SPIDR: variants seen among roughly 807,000 people sequenced by gnomAD.
SPIDR encodes DNA repair-scaffolding protein.
SPIDR carries 93 observed loss-of-function variants against 104.6 expected under a neutral mutation model. The observed-to-expected ratio is 0.89, with a 90% CI of 0.75 to 1.06. SPIDR has a LOEUF of 1.06. Ranked by LOEUF, SPIDR falls within the 50% of genes least tolerant of loss-of-function variation. SPIDR has a pLI of 0.00. For missense variants in SPIDR, 1,154 were observed against 1,111.2 expected (o/e 1.04, Z -0.55); for synonymous variants, 431 against 416.9 (o/e 1.03, Z -0.41).
chr8:47,597,636 CT>C (rs965313134), intron 9 of SPIDR, among the ~76,000 whole-genome samples: 1 of 152,184 alleles, frequency 6.6e-6, no homozygotes, highest in Non-Finnish European at 1.5e-5. Context: ...TAAAGCCCTC[CT>C]TTATTTATTT....
chr8:47,340,533 C>T (rs2050551544), intron 5 of SPIDR, among the ~76,000 whole-genome samples: 2 of 152,052 alleles, frequency 1.3e-5, no homozygotes, highest in African/African-American at 2.4e-5. Context: ...ACCCAGGAGG[C>T]GAAGGTTGCA....
intron 7 of SPIDR, among the ~76,000 whole-genome samples, chr8:47,419,477 A>T (rs1208402010): frequency 2.3e-4 from 35 of 151,992 alleles, no homozygotes; most frequent in South Asian, 1.7e-3. Flanking sequence ...CCCTTTATCA[A>T]TTTTTATTGC....
At chr8:47,505,806 G>C (rs577933165) in intron 8 of SPIDR, among the ~76,000 whole-genome samples, 13 of 152,248 alleles carry the variant, frequency 8.5e-5, no homozygotes, top group African/African-American at 2.9e-4. Context: ...AGTGCCACCC[G>C]GGCTTCCCTA....
chr8:47,340,118 A>T (rs2050462265), intron 5 of SPIDR, among the ~76,000 whole-genome samples: 3 of 151,808 alleles, frequency 2.0e-5, no homozygotes, highest in Admixed American at 1.3e-4. Context: ...GGCTGTTATG[A>T]TTTTATATTA....
At chr8:47,593,029 G>A (rs1295503695) in intron 8 of SPIDR, among the ~76,000 whole-genome samples, 1 of 152,062 alleles carries the variant, frequency 6.6e-6, no homozygotes, top group Non-Finnish European at 1.5e-5. Flanking sequence ...TGGGATTACA[G>A]CCATGCCCCA....
chr8:47,424,277 A>G (rs1222523727), intron 7 of SPIDR, among the ~76,000 whole-genome samples: 1 of 152,156 alleles, frequency 6.6e-6, no homozygotes, highest in Non-Finnish European at 1.5e-5. Context: ...GTTTGATATC[A>G]TAGTTTTTAA....
chr8:47,544,441 C>T lies in SPIDR; in HGVS notation c.1098-51370C>T, dbSNP rs553292698. Among the ~76,000 whole-genome samples, 19 of 152,240 alleles carry T rather than the reference C, an allele frequency of 1.2e-4. No homozygotes were observed. In the South Asian group the frequency reaches 1.5e-3, roughly 12 times the overall value. ...TGATGTCACGTCTAAGAACTCTTCA[C>T]GTAGCTGTAAATCCAAAAGATTTTC... On this transcript the variant is annotated intron_variant, in intron 8 of 19. Transcript: ENST00000297423.
chr8:47,525,776 A>C (rs1236110705), intron 8 of SPIDR, among the ~76,000 whole-genome samples: 36 of 150,186 alleles, frequency 2.4e-4, no homozygotes, highest in African/African-American at 8.5e-4. Context: ...CCTGCCTCAA[A>C]AAAAAAAAAA....
At chr8:47,627,458 G>A (rs1295317169) in intron 10 of SPIDR, among the ~76,000 whole-genome samples, 1 of 151,966 alleles carries the variant, frequency 6.6e-6, no homozygotes. Flanking sequence ...CAAAAAAAAT[G>A]TTTCCCTTTA....
intron 7 of SPIDR, among the ~76,000 whole-genome samples, chr8:47,420,153 C>G (rs1454237017): frequency 6.6e-6 from 1 of 152,108 alleles, no homozygotes; most frequent in Non-Finnish European, 1.5e-5. Flanking sequence ...GAGCTGAGTT[C>G]AATTCCTGGG....
intron 5 of SPIDR, among the ~76,000 whole-genome samples, chr8:47,362,947 CCAGCCAGTGTTCTTTTTT>C (rs2056372660): frequency 6.6e-6 from 1 of 152,144 alleles, no homozygotes. Flanking sequence ...GCTACCACGC[CCAGCCAGTGTTCTTTTTT>C]CTGGCCAACA....
Position 47,452,956 on chromosome 8 carries a change from G to GC in SPIDR, c.1097+12414_1097+12415insC, listed in dbSNP as rs1554707139. On this transcript the variant is annotated intron_variant, in intron 8 of 19. Transcript: ENST00000297423. Reference sequence around the variant, plus strand: ...TGTAGATGACATGAATATATAGTTAGAGGGCCCCATCATCGCAGCCCAAGA... The same window carrying GC: ...TGTAGATGACATGAATATATAGTTAGCAGGGCCCCATCATCGCAGCCCAAGA... Among the ~76,000 whole-genome samples the GC allele has an allele frequency of 2.8e-3, 427 of 152,252 alleles. 2 individuals carry two copies. Among genetic ancestry groups the GC allele is most frequent in the East Asian group, 0.017 (90 of 5,170 alleles).
chr8:47,488,979 A>G (rs1458765090), intron 8 of SPIDR, among the ~76,000 whole-genome samples: 1 of 152,182 alleles, frequency 6.6e-6, no homozygotes, highest in Non-Finnish European at 1.5e-5. Context: ...CCTATTCAAC[A>G]TAGTGTTGGA....
intron 3 of SPIDR, among the ~76,000 whole-genome samples, chr8:47,287,702 A>G (rs2039128433): frequency 1.3e-5 from 2 of 152,334 alleles, no homozygotes; most frequent in East Asian, 3.9e-4. Context: ...AAAGGCCATC[A>G]GACCTTATGG....
intron 5 of SPIDR, among the ~76,000 whole-genome samples, chr8:47,313,083 A>G (rs1188002062): frequency 6.6e-6 from 1 of 152,194 alleles, no homozygotes; most frequent in Non-Finnish European, 1.5e-5. Context: ...GGAGAAGGAA[A>G]TAAAGGGTAT....
chr8:47,731,466 G>A (rs547063941), intron 19 of SPIDR, among the ~76,000 whole-genome samples: 34 of 152,294 alleles, frequency 2.2e-4, no homozygotes, highest in Non-Finnish European at 4.4e-4. Flanking sequence ...TGAGCCTCCC[G>A]CATTCTCACA....
At chr8:47,385,430 TA>T (rs1260194550) in intron 5 of SPIDR, among the ~76,000 whole-genome samples, 8 of 152,372 alleles carry the variant, frequency 5.3e-5, no homozygotes, top group Admixed American at 5.2e-4. Flanking sequence ...TCTTTACATA[TA>T]AAGTATGCTA....
intron 6 of SPIDR, among the ~76,000 whole-genome samples, chr8:47,397,543 T>G (rs1301161616): frequency 6.6e-6 from 1 of 152,116 alleles, no homozygotes; most frequent in Non-Finnish European, 1.5e-5. Flanking sequence ...GTAGGAAGCA[T>G]TGCCACAAAA....
chr8:47,624,633 C>A (rs1305932146), intron 10 of SPIDR, among the ~76,000 whole-genome samples: 5 of 152,168 alleles, frequency 3.3e-5, no homozygotes, highest in Admixed American at 1.3e-4. Flanking sequence ...ACTAGAAAAT[C>A]TAGAAGAAAT....
Sources: gnomAD v4.1 joint callset for allele counts (sites outside exome capture counted in the v4.1 genomes callset) on GRCh38, gnomAD v4.1.1 for gene constraint, MANE v1.5 for transcripts, NCBI Gene and HGNC (gene_info 2026-07-23, HGNC 2026-07-21) for gene names.